The following HNRNPC variants were observed in gnomAD, a reference collection of about 807,000 sequenced individuals.
HNRNPC encodes the protein heterogeneous nuclear ribonucleoproteins C1/C2.
In HNRNPC, 3 loss-of-function variants were observed where a neutral mutation model predicts 33.2. That is an observed-to-expected ratio of 0.09 (90% CI 0.04 to 0.23). HNRNPC has a LOEUF of 0.23. Ranked by LOEUF, HNRNPC falls within the 10% of genes least tolerant of loss-of-function variation. The pLI, the probability that HNRNPC is intolerant of heterozygous loss-of-function variation, is 1.00. For synonymous variants in HNRNPC, 121 were observed against 126.7 expected (o/e 0.96, Z 0.30); for missense variants, 143 against 366.7 (o/e 0.39, Z 4.98).
intron 5 of HNRNPC, among the ~76,000 whole-genome samples, chr14:21,214,659 T>C (rs949669539): frequency 6.6e-6 from 1 of 152,228 alleles, no homozygotes; most frequent in African/African-American, 2.4e-5. Context: ...TGGGAATTAA[T>C]GCAAAGAAAA....
chr14:21,267,095 CAAAAA>C lies in HNRNPC; in HGVS notation c.-63+2198_-63+2202del, dbSNP rs56203257. On this transcript the variant is annotated intron_variant, in intron 1 of 8. Transcript: ENST00000553300. ...AGGGCGACAGAGCGAGACTCCGTCT[CAAAAA>C]AAAAAAAAAAAAAAAAAAAAAAAAA... 1.6e-3 allele frequency among the ~76,000 whole-genome samples: 170 copies of C among 104,054 alleles called. 1 individual carries two copies. The highest frequency in any genetic ancestry group is 5.9e-3 in the African/African-American group (166 of 27,954). 68.3% of individuals were successfully genotyped at this position (104,054 alleles called of 152,430 possible).
intron 5 of HNRNPC, among the ~76,000 whole-genome samples, chr14:21,217,582 T>C (rs1892328979): frequency 6.6e-6 from 1 of 152,170 alleles, no homozygotes; most frequent in South Asian, 2.1e-4. Flanking sequence ...CTGATATGGG[T>C]TGGGGAACAC....
At chr14:21,248,320 G>T (rs1896225793) in intron 2 of HNRNPC, among the ~76,000 whole-genome samples, 1 of 152,282 alleles carries the variant, frequency 6.6e-6, no homozygotes, top group South Asian at 2.1e-4. Flanking sequence ...TGGGATTACA[G>T]GCGTGAGCCC....
At chr14:21,242,913 T>C (rs1188271120) in intron 2 of HNRNPC, among the ~76,000 whole-genome samples, 5 of 152,156 alleles carry the variant, frequency 3.3e-5, no homozygotes, top group Non-Finnish European at 7.4e-5. Flanking sequence ...TTTTTCTAGA[T>C]TAAAAAAGCA....
At chr14:21,269,116 A>C (rs1879519726) in intron 1 of HNRNPC, among the ~76,000 whole-genome samples, 182 bp downstream of exon 1, 1 of 152,108 alleles carries the variant, frequency 6.6e-6, no homozygotes, top group African/African-American at 2.4e-5. Context: ...ACACCAGGTT[A>C]AACCTATACA....
chr14:21,248,982 C>T (rs1426326266), intron 2 of HNRNPC, among the ~76,000 whole-genome samples: 1 of 152,156 alleles, frequency 6.6e-6, no homozygotes, highest in Non-Finnish European at 1.5e-5. Context: ...TTAAATGACA[C>T]GTGACATTGA....
At chr14:21,246,915 CTTTT>C (rs1294786263) in intron 2 of HNRNPC, among the ~76,000 whole-genome samples, 1 of 152,162 alleles carries the variant, frequency 6.6e-6, no homozygotes, top group African/African-American at 2.4e-5. Flanking sequence ...TCCTTAATAA[CTTTT>C]TCTTTTCACT....
chr14:21,250,861 C>CT (rs1896572560), intron 2 of HNRNPC, among the ~76,000 whole-genome samples: 2 of 152,148 alleles, frequency 1.3e-5, no homozygotes, highest in African/African-American at 4.8e-5. Context: ...ATCGGTACCA[C>CT]TGGGGTAGGG....
chr14:21,246,423 G>A (rs560084640), intron 2 of HNRNPC, among the ~76,000 whole-genome samples: 4 of 151,984 alleles, frequency 2.6e-5, no homozygotes, highest in Admixed American at 1.3e-4. Context: ...AAAATTAGCC[G>A]GGCGTGTTGG....
At chr14:21,254,304 T>C (rs1455800852) in intron 2 of HNRNPC, among the ~76,000 whole-genome samples, 2 of 152,098 alleles carry the variant, frequency 1.3e-5, no homozygotes, top group East Asian at 3.9e-4. Context: ...GAGTATATAA[T>C]ACTATGTAAC....
intron 1 of HNRNPC, among the ~76,000 whole-genome samples, chr14:21,267,643 A>C (rs1879239780): frequency 6.6e-6 from 1 of 152,208 alleles, no homozygotes; most frequent in African/African-American, 2.4e-5. Context: ...TATCTAGTTG[A>C]GAACACACCT....
chr14:21,227,586 A>G lies in HNRNPC; in HGVS notation c.365+2733T>C, dbSNP rs562559480. ...AATTACTTTTGCTCAAACCTAATAT[A>G]TTGTTGTCTATTGAAAATCTGAAGA... On this transcript the variant is annotated intron_variant, in intron 5 of 8. Coordinates refer to ENST00000553300, the MANE Select transcript of HNRNPC (RefSeq NM_004500.4). Among the ~76,000 whole-genome samples, 5 of 152,334 alleles carry G rather than the reference A, an allele frequency of 3.3e-5. No homozygotes were observed. The East Asian group carries it at 9.6e-4, about 29-fold the overall frequency.
Position 21,209,727 on chromosome 14 carries a change from A to G in HNRNPC, c.*1496T>C, listed in dbSNP as rs1174397537. On this transcript the variant is annotated 3_prime_UTR_variant, in exon 9 of 9. Transcript: ENST00000553300. ...AAAGGCCAGTGCCGCATGCTATGAA[A>G]CAATAGCAACTTTACAGGGGAATCC... The G allele has an allele frequency of 6.6e-6, 1 of 152,206 alleles. No individual in the cohort carries two copies. Among genetic ancestry groups the G allele is most frequent in the Admixed American group, 6.5e-5 (1 of 15,276 alleles). The allele number at this position is 152,206 out of a possible 1,614,324, so 9.4% of individuals were successfully genotyped here. A position where few individuals can be genotyped will look rare whatever the true frequency, so the allele number is the denominator to read the frequency against.
chr14:21,227,445 T>C (rs1282654438), intron 5 of HNRNPC, among the ~76,000 whole-genome samples: 2 of 152,232 alleles, frequency 1.3e-5, no homozygotes, highest in East Asian at 1.9e-4. Flanking sequence ...ATAGAAGACA[T>C]TACTTTTCAC....
At chr14:21,263,731 G>C (rs531806670) in intron 1 of HNRNPC, 5 of 152,160 alleles carry the variant, frequency 3.3e-5, no homozygotes, top group African/African-American at 1.2e-4. Flanking sequence ...TATAAAATCA[G>C]TTTTGGAATG....
At chr14:21,221,122 G>A (rs938938818) in intron 5 of HNRNPC, among the ~76,000 whole-genome samples, 7 of 152,104 alleles carry the variant, frequency 4.6e-5, no homozygotes, top group African/African-American at 1.7e-4. Flanking sequence ...CACAGCTATT[G>A]TGCCTGTGAT....
intron 2 of HNRNPC, among the ~76,000 whole-genome samples, chr14:21,255,847 A>C (rs1877093314): frequency 6.6e-6 from 1 of 152,228 alleles, no homozygotes; most frequent in African/African-American, 2.4e-5. Context: ...ATTTAGGAGA[A>C]GGGGAGCTTA....
intron 2 of HNRNPC, among the ~76,000 whole-genome samples, chr14:21,239,789 C>A (rs755268216): frequency 2.0e-5 from 3 of 151,578 alleles, no homozygotes; most frequent in Non-Finnish European, 4.4e-5. Flanking sequence ...CAGGAAAATC[C>A]CTTGAACCCG....
rs570047826 is a variant in HNRNPC, at chr14:21,217,424, T to C, written c.366-4307A>G. On this transcript the variant is annotated intron_variant, in intron 5 of 8. Transcript: ENST00000553300. ...ACTAAATGGTAAACCAGTATGCTCA[T>C]TTGCTCACCACTGGAGCTATACAAG... Among the ~76,000 whole-genome samples the C allele has an allele frequency of 2.0e-5, 3 of 152,336 alleles. No individual in the cohort carries two copies. The South Asian group carries it at 6.2e-4, about 32-fold the overall frequency.
Sources: allele counts gnomAD v4.1 joint callset (sites outside exome capture counted in the v4.1 genomes callset), GRCh38; gene constraint gnomAD v4.1.1; transcripts MANE v1.5; gene names NCBI Gene and HGNC (gene_info 2026-07-23, HGNC 2026-07-21).